GPR107: variants seen among roughly 807,000 people sequenced by gnomAD.
The protein encoded by GPR107 is protein GPR107.
GPR107 carries 31 observed loss-of-function variants against 75.5 expected under a neutral mutation model. The observed-to-expected ratio is 0.41, with a 90% CI of 0.31 to 0.55. The LOEUF (loss-of-function observed/expected upper bound fraction) is 0.55, where lower values mean the gene tolerates loss of function less well. Among genes scored for constraint, GPR107 ranks in the 20% least tolerant of loss-of-function variants. The pLI, the probability that GPR107 is intolerant of heterozygous loss-of-function variation, is 0.26. For missense variants in GPR107, 572 were observed against 665.7 expected, an observed-to-expected ratio of 0.86 and a Z score of 1.55; for synonymous variants, 267 against 251.3, an observed-to-expected ratio of 1.06 and a Z score of -0.59.
At chr9:130,099,930 T>G (rs942192212) in intron 10 of GPR107, among the ~76,000 whole-genome samples, 7 of 125,156 alleles carry the variant, frequency 5.6e-5, no homozygotes, top group African/African-American at 2.2e-4. Context: ...GGCCTCGCTC[T>G]GTTGCCCAGG....
intron 1 of GPR107, among the ~76,000 whole-genome samples, chr9:130,070,256 C>T (rs1471773953): frequency 6.6e-6 from 1 of 151,414 alleles, no homozygotes; most frequent in African/African-American, 2.4e-5. Flanking sequence ...TCTGCATTAG[C>T]CTCCTGAGTA....
intron 4 of GPR107, among the ~76,000 whole-genome samples, chr9:130,078,158 C>T (rs991478116): frequency 1.3e-5 from 2 of 150,368 alleles, no homozygotes; most frequent in Non-Finnish European, 3.0e-5. Context: ...GAGTGAGACT[C>T]CGTCTCAAAA....
At chr9:130,064,687 A>C (rs1830027341) in intron 1 of GPR107, among the ~76,000 whole-genome samples, 2 of 152,162 alleles carry the variant, frequency 1.3e-5, no homozygotes, top group Non-Finnish European at 2.9e-5. Context: ...CCTTATTTGG[A>C]ATAGTGTCTT....
In GPR107 at chr9:130,056,924, CAA is replaced by C. The variant is rs11442007; in HGVS notation, c.141+2877_141+2878del. Among the ~76,000 whole-genome samples, 25 of 42,900 alleles carry C rather than the reference CAA, an allele frequency of 5.8e-4. 1 individual carries two copies. Among genetic ancestry groups the C allele is most frequent in the Middle Eastern group, 0.015 (1 of 66 alleles). 28.1% of individuals were successfully genotyped at this position (42,900 alleles called of 152,430 possible). ...TGGGTGACAGAGCGAGACTCCTTCT[CAA>C]AAAAAAAAAAAAAAAAAAAAAAAAA... On this transcript the variant is annotated intron_variant, in intron 1 of 17. Coordinates refer to ENST00000347136, the MANE Select transcript of GPR107 (RefSeq NM_020960.5).
intron 1 of GPR107, among the ~76,000 whole-genome samples, chr9:130,055,112 A>G (rs1270687356): frequency 1.3e-5 from 2 of 152,122 alleles, no homozygotes; most frequent in Non-Finnish European, 2.9e-5. Context: ...GAGACATAGA[A>G]AAGTAAATTG....
At chr9:130,098,274 C>CTAGT (rs1475195582) in intron 9 of GPR107, among the ~76,000 whole-genome samples, 5 of 152,152 alleles carry the variant, frequency 3.3e-5, no homozygotes, top group African/African-American at 1.2e-4. Flanking sequence ...GAAAGGTGGA[C>CTAGT]TAGTATCTGT....
At chr9:130,101,265 G>T in intron 12 of GPR107, 42 bp downstream of exon 12, 2 of 1,043,144 alleles carry the variant, frequency 1.9e-6, no homozygotes, top group South Asian at 2.5e-5. Context: ...CTTTCTTGGC[G>T]CTTAGCAGGG....
At chr9:130,118,554 A>T (rs769558922) in intron 14 of GPR107, among the ~76,000 whole-genome samples, 1 of 152,038 alleles carries the variant, frequency 6.6e-6, no homozygotes, top group Non-Finnish European at 1.5e-5. Context: ...ATCGAGTGTC[A>T]TGGTTATTTT....
intron 17 of GPR107, 75 bp downstream of exon 17, chr9:130,128,836 T>C (rs7853219): frequency 0.98 from 1,384,723 of 1,406,714 alleles, 681,693 homozygotes; most frequent in East Asian, 1. Context: ...GTGAATCGGG[T>C]CGGCTGCTCT....
intron 14 of GPR107, chr9:130,114,656 G>A: frequency 1.0e-6 from 1 of 980,212 alleles, no homozygotes; most frequent in East Asian, 9.3e-5. Flanking sequence ...AAAGGGCTGG[G>A]ATTACAGGTG....
chr9:130,134,218 C>T (rs1223469029), intron 17 of GPR107, among the ~76,000 whole-genome samples: 1 of 152,218 alleles, frequency 6.6e-6, no homozygotes, highest in Non-Finnish European at 1.5e-5. Context: ...ACCCAGTTCC[C>T]TCATAGACCA....
intron 15 of GPR107, among the ~76,000 whole-genome samples, chr9:130,125,456 C>T (rs559185893): frequency 3.1e-4 from 46 of 150,136 alleles, no homozygotes; most frequent in African/African-American, 1.1e-3. Flanking sequence ...TGGACTCCAA[C>T]TCCTGGGTTC....
rs959708364 is a variant in GPR107, at chr9:130,125,329, G to A, written c.1356+365G>A. Among the ~76,000 whole-genome samples the A allele has an allele frequency of 7.3e-5, 11 of 151,394 alleles. No individual in the cohort carries two copies. In the South Asian group the frequency reaches 1.7e-3, roughly 23 times the overall value. ...ACTCCTGACCTCAGGTGATCCACCC[G>A]CCTCGGCCTCCCAGAGTGCGGGGAT... is the stretch of plus-strand genomic sequence containing the variant. On this transcript the variant is annotated intron_variant, in intron 15 of 17. Transcript: ENST00000347136.
chr9:130,135,379 G>C lies in GPR107; in HGVS notation c.*258G>C. Reference sequence around the variant, plus strand: ...GGGCACAGGGAGGAGGAGAGGAAGAGAAAAGGAAGAATTCATTTTTAATTT... The same window carrying C: ...GGGCACAGGGAGGAGGAGAGGAAGACAAAAGGAAGAATTCATTTTTAATTT... On this transcript the variant is annotated 3_prime_UTR_variant, in exon 18 of 18. Coordinates refer to ENST00000347136, the MANE Select transcript of GPR107 (RefSeq NM_020960.5). 2 of 409,346 alleles carry C rather than the reference G, an allele frequency of 4.9e-6. No homozygotes were observed. The highest frequency in any genetic ancestry group is 8.7e-6 in the Non-Finnish European group (2 of 230,492). 25.4% of individuals were successfully genotyped at this position (409,346 alleles called of 1,614,324 possible).
At position 130,089,475 on chromosome 9, in the gene GPR107, G is replaced by A. The variant is rs1050907099; in HGVS notation, c.622-1401G>A. 1.4e-4 allele frequency among the ~76,000 whole-genome samples: 22 copies of A among 152,116 alleles called. 1 individual carries two copies. The highest frequency in any genetic ancestry group is 4.8e-4 in the African/African-American group (20 of 41,422). ...TTGGATGGTGCAGTCCACTCTGAGCGCTTCTGCTTCATTCATGGCGTGGGG... is the reference window on the plus strand; with the variant it reads ...TTGGATGGTGCAGTCCACTCTGAGCACTTCTGCTTCATTCATGGCGTGGGG... On this transcript the variant is annotated intron_variant, in intron 7 of 17. Coordinates refer to ENST00000347136, the MANE Select transcript of GPR107 (RefSeq NM_020960.5).
rs567854445 is a variant in GPR107 at position 130,059,008 on chromosome 9, T to C, written c.141+4935T>C. The stretch of plus-strand genomic sequence containing the variant: ...GGCTTTGTGGGGCCATATGTTTTCA[T>C]TTCTCTTGGATGATATCCAGGAGTG... On this transcript the variant is annotated intron_variant, in intron 1 of 17. Coordinates refer to ENST00000347136, the MANE Select transcript of GPR107 (RefSeq NM_020960.5). 7.9e-5 allele frequency among the ~76,000 whole-genome samples: 12 copies of C among 152,324 alleles called. No homozygotes were observed. In the East Asian group the frequency reaches 1.9e-3, roughly 24 times the overall value.
intron 15 of GPR107, among the ~76,000 whole-genome samples, 166 bp downstream of exon 15, chr9:130,125,130 G>A (rs928818358): frequency 6.5e-5 from 7 of 107,594 alleles, no homozygotes; most frequent in Non-Finnish European, 1.2e-4. Context: ...ACGACGTCTA[G>A]CTCTGTCACC....
chr9:130,088,429 C>T (rs898114185), intron 7 of GPR107, among the ~76,000 whole-genome samples: 1 of 152,236 alleles, frequency 6.6e-6, no homozygotes, highest in Non-Finnish European at 1.5e-5. Context: ...TTAGTATTAT[C>T]ACTTCCAACA....
At position 130,103,547 on chromosome 9, in the gene GPR107, ACGGGCCTGAGTACAGAGCT is replaced by A; in HGVS notation, c.1132-872_1132-854del. The stretch of plus-strand genomic sequence containing the variant: ...AAAGACTTATGCTAAGAGCCTAATA[ACGGGCCTGAGTACAGAGCT>A]TAATAGTGGGCCTGAGTATATGAGG... On this transcript the variant is annotated intron_variant, in intron 12 of 17. Coordinates refer to ENST00000347136, the MANE Select transcript of GPR107 (RefSeq NM_020960.5). This position sits in a 1 kb window ranked among gnomAD's most constrained non-coding sequence, Gnocchi z 4.3. 1.3e-5 allele frequency among the ~76,000 whole-genome samples: 2 copies of A among 151,938 alleles called. No individual in the cohort carries two copies. Among genetic ancestry groups the A allele is most frequent in the Non-Finnish European group, 2.9e-5 (2 of 67,938 alleles).
Sources: allele counts gnomAD v4.1 joint callset (sites outside exome capture counted in the v4.1 genomes callset), GRCh38; gene constraint gnomAD v4.1.1; non-coding constraint Gnocchi (gnomAD v3.1); transcripts MANE v1.5; gene names NCBI Gene and HGNC (gene_info 2026-07-23, HGNC 2026-07-21).